The following ADAT2 variants were observed in gnomAD, a reference collection of about 807,000 sequenced individuals.
ADAT2 encodes tRNA-specific adenosine-34 deaminase catalytic subunit ADAT2.
Under a neutral mutation model 25.9 loss-of-function variants are expected in ADAT2, and 26 were observed. The ratio of observed to expected loss-of-function variants is 1.00; its 90% confidence interval spans 0.74 to 1.39. The LOEUF is 1.39. Among genes scored for constraint, ADAT2 ranks in the 40% most tolerant of loss-of-function variants. The probability of loss-of-function intolerance (pLI) is 0.00; values close to 1 mark genes in which losing one functional copy is unlikely to be tolerated. For missense variants in ADAT2, 220 were observed against 244.8 expected, an observed-to-expected ratio of 0.90 and a Z score of 0.68; for synonymous variants, 76 against 86.8, an observed-to-expected ratio of 0.88 and a Z score of 0.69.
rs952345432 is a variant in ADAT2 at position 143,436,285 on chromosome 6, C to T, written c.202-2304G>A. 5 of 222,526 alleles carry T rather than the reference C, an allele frequency of 2.2e-5. No homozygotes were observed. The highest frequency in any genetic ancestry group is 9.5e-6 in the Non-Finnish European group (1 of 105,352). The allele number at this position is 222,526 out of a possible 1,614,324, so 13.8% of individuals were successfully genotyped here. The stretch of plus-strand genomic sequence containing the variant: ...TAAGAACATGATGGCTGCCTATGAC[C>T]CCCAGTATGGCCTCTATCTAACAGA... On this transcript the variant is annotated intron_variant, in intron 2 of 5. Coordinates refer to ENST00000237283, the MANE Select transcript of ADAT2 (RefSeq NM_182503.3). The surrounding 1 kb of genome is among the most constrained non-coding windows in gnomAD (Gnocchi z 4.1).
rs1207395741 is a variant in ADAT2 at position 143,446,304 on chromosome 6, CAT to C, written c.96+4257_96+4258del. On this transcript the variant is annotated intron_variant, in intron 1 of 5. Transcript: ENST00000237283. This position sits in a 1 kb window ranked among gnomAD's most constrained non-coding sequence, Gnocchi z 5.0. ...TATATTGGGTAATATTTTTTCATCA[CAT>C]GATTTTGTAAAGGTTGTACAGTATT... Among the ~76,000 whole-genome samples, 1 of 152,060 alleles carries C rather than the reference CAT, an allele frequency of 6.6e-6. No individual in the cohort carries two copies. Among genetic ancestry groups the C allele is most frequent in the African/African-American group, 2.4e-5 (1 of 41,414 alleles).
rs1372780586 is a variant in ADAT2 at position 143,442,634 on chromosome 6, C to T, written c.97-3940G>A. On this transcript the variant is annotated intron_variant, in intron 1 of 5. Transcript: ENST00000237283. The surrounding 1 kb of genome is among the most constrained non-coding windows in gnomAD (Gnocchi z 4.6). Reference sequence around the variant, plus strand: ...ACTGAAGGACACTAGACACTTGGGTCCTCCCAGTATATTATTATTGTAATT... The same window carrying T: ...ACTGAAGGACACTAGACACTTGGGTTCTCCCAGTATATTATTATTGTAATT... Among the ~76,000 whole-genome samples, 1 of 152,038 alleles carries T rather than the reference C, an allele frequency of 6.6e-6. No homozygotes were observed. The highest frequency in any genetic ancestry group is 6.6e-5 in the Admixed American group (1 of 15,256).
chr6:143,448,078 T>C (rs542979146), intron 1 of ADAT2, among the ~76,000 whole-genome samples: 2 of 152,058 alleles, frequency 1.3e-5, no homozygotes, highest in South Asian at 4.1e-4. Flanking sequence ...TAAAAAAGGA[T>C]GAGTTCATCC....
chr6:143,443,520 G>C (rs1779519741), intron 1 of ADAT2, among the ~76,000 whole-genome samples: 1 of 152,028 alleles, frequency 6.6e-6, no homozygotes, highest in Admixed American at 6.6e-5. Context: ...AACACAGCAA[G>C]ACCCCATCTC....
At chr6:143,430,807 T>C (rs557161641) in intron 4 of ADAT2, among the ~76,000 whole-genome samples, 26 of 152,222 alleles carry the variant, frequency 1.7e-4, no homozygotes, top group African/African-American at 3.9e-4. Context: ...CCTCATGATC[T>C]GCCCGCCTTG....
In ADAT2 at chr6:143,432,012, C is replaced by CA. The variant is rs560867606; in HGVS notation, c.459+492dup. Among the ~76,000 whole-genome samples, 849 of 151,936 alleles carry CA rather than the reference C, an allele frequency of 5.6e-3. 4 individuals are homozygous for CA. The highest frequency in any genetic ancestry group is 0.018 in the African/African-American group (755 of 41,422). ...GAAATTTCAACATTAAAAAGACACA[C>CA]AAAAAAAGACATGAAAATACAGTGA... On this transcript the variant is annotated intron_variant, in intron 4 of 5. Coordinates refer to ENST00000237283, the MANE Select transcript of ADAT2 (RefSeq NM_182503.3). The surrounding 1 kb of genome is among the most constrained non-coding windows in gnomAD (Gnocchi z 4.4).
intron 1 of ADAT2, among the ~76,000 whole-genome samples, chr6:143,439,291 C>T (rs1329534718): frequency 1.5e-5 from 2 of 135,130 alleles, no homozygotes; most frequent in Admixed American, 8.2e-5. Flanking sequence ...AACACACACA[C>T]AGTCTATAAC....
rs1005705779 is a variant in ADAT2 at position 143,425,381 on chromosome 6, G to A, written c.*3082C>T. On this transcript the variant is annotated 3_prime_UTR_variant, in exon 6 of 6. Transcript: ENST00000237283. The stretch of plus-strand genomic sequence containing the variant: ...AAAAAAAAAAAAAAAAATTAGGTGT[G>A]GTGACATGAGTCTGTGGTCCCAGCT... 3.8e-5 allele frequency: 6 copies of A among 156,582 alleles called. No individual in the cohort carries two copies. Among genetic ancestry groups the A allele is most frequent in the African/African-American group, 1.5e-4 (6 of 41,042 alleles). 9.7% of individuals were successfully genotyped at this position (156,582 alleles called of 1,614,324 possible).
At chr6:143,447,111 CT>C (rs1779622458) in intron 1 of ADAT2, among the ~76,000 whole-genome samples, 1 of 152,154 alleles carries the variant, frequency 6.6e-6, no homozygotes, top group Non-Finnish European at 1.5e-5. Flanking sequence ...CCAACAGATC[CT>C]TTTGTAGTGA....
chr6:143,443,642 C>T (rs1308285223), intron 1 of ADAT2, among the ~76,000 whole-genome samples: 1 of 151,856 alleles, frequency 6.6e-6, no homozygotes, highest in African/African-American at 2.4e-5. Flanking sequence ...ACCAGCCTGG[C>T]CAATATTGTG....
At chr6:143,443,697 G>A (rs1196605559) in intron 1 of ADAT2, among the ~76,000 whole-genome samples, 2 of 152,026 alleles carry the variant, frequency 1.3e-5, no homozygotes, top group Non-Finnish European at 2.9e-5. Flanking sequence ...TGGGCATGGT[G>A]ATGGGTGCCT....
Position 143,450,547 on chromosome 6 carries a change from C to G in ADAT2, c.96+16G>C, listed in dbSNP as rs375648944. The G allele has an allele frequency of 7.1e-5, 115 of 1,613,758 alleles. No individual in the cohort carries two copies. Among genetic ancestry groups the G allele is most frequent in the Non-Finnish European group, 9.6e-5 (113 of 1,179,886 alleles). On this transcript the variant is annotated intron_variant, in intron 1 of 5. Transcript: ENST00000237283. ...AAAGGTCCCACCCCGCAGCATCTAC[C>G]TCCCGGGCTCCTCACCATGTGCATC...
At position 143,440,289 on chromosome 6, in the gene ADAT2, G is replaced by A. The variant is rs920138779; in HGVS notation, c.97-1595C>T. Among the ~76,000 whole-genome samples the A allele has an allele frequency of 1.3e-5, 2 of 152,138 alleles. No homozygotes were observed. Among genetic ancestry groups the A allele is most frequent in the Admixed American group, 6.5e-5 (1 of 15,272 alleles). On this transcript the variant is annotated intron_variant, in intron 1 of 5. Transcript: ENST00000237283. The surrounding 1 kb of genome is among the most constrained non-coding windows in gnomAD (Gnocchi z 4.5). ...GGGCATATAAAGTGCAAAGTTGAAG[G>A]CATTGTTAAAACAGTGTCTTCTGTC...
At chr6:143,431,275 G>T (rs1779109169) in intron 4 of ADAT2, among the ~76,000 whole-genome samples, 1 of 152,232 alleles carries the variant, frequency 6.6e-6, no homozygotes, top group Admixed American at 6.5e-5. Flanking sequence ...TGTGAGAAAG[G>T]ACTGTGTTTG....
rs376013895 is a variant in ADAT2, at chr6:143,447,919, T to C, written c.96+2644A>G. Among the ~76,000 whole-genome samples the C allele has an allele frequency of 2.0e-5, 3 of 152,186 alleles. No homozygotes were observed. The East Asian group carries it at 5.8e-4, about 29-fold the overall frequency. Reference sequence around the variant, plus strand: ...GAGCATATACCCAAAGGATTATAAATCATGCTGCTATAAAGACACATGCAC... The same window carrying C: ...GAGCATATACCCAAAGGATTATAAACCATGCTGCTATAAAGACACATGCAC... On this transcript the variant is annotated intron_variant, in intron 1 of 5. Coordinates refer to ENST00000237283, the MANE Select transcript of ADAT2 (RefSeq NM_182503.3).
chr6:143,438,394 TA>T (rs373866683), intron 2 of ADAT2, among the ~76,000 whole-genome samples, 195 bp downstream of exon 2: 6 of 151,628 alleles, frequency 4.0e-5, no homozygotes, highest in Non-Finnish European at 8.8e-5. Context: ...TTTTCCACAA[TA>T]AAAAAAATCA....
rs1008461331 is a variant in ADAT2, at chr6:143,424,304, G to C, written c.*4159C>G. The C allele has an allele frequency of 6.6e-6, 1 of 152,248 alleles. No individual in the cohort carries two copies. The highest frequency in any genetic ancestry group is 1.5e-5 in the Non-Finnish European group (1 of 68,044). The allele number at this position is 152,248 out of a possible 1,614,324, so 9.4% of individuals were successfully genotyped here. ...TGGTTTCCCTGGGGCTATAAGGCCA[G>C]TTCACGTAGGACCACTGGGAAAGAC... is the stretch of plus-strand genomic sequence containing the variant. On this transcript the variant is annotated 3_prime_UTR_variant, in exon 6 of 6. Transcript: ENST00000237283. This position sits in a 1 kb window ranked among gnomAD's most constrained non-coding sequence, Gnocchi z 4.8.
At chr6:143,435,581 G>A (rs1446549266) in intron 2 of ADAT2, among the ~76,000 whole-genome samples, 1 of 152,144 alleles carries the variant, frequency 6.6e-6, no homozygotes, top group Non-Finnish European at 1.5e-5. Context: ...CTCATCTTAA[G>A]ACATCATACA....
rs1779134986 is a variant in ADAT2, at chr6:143,432,181, G to A, written c.459+324C>T. Among the ~76,000 whole-genome samples, 2 of 152,180 alleles carry A rather than the reference G, an allele frequency of 1.3e-5. No homozygotes were observed. Among genetic ancestry groups the A allele is most frequent in the African/African-American group, 4.8e-5 (2 of 41,436 alleles). ...CTTGGTAGAGCATAGAGCTGGTAAC[G>A]TTCATTGAATAAAAACTCCAACAGC... On this transcript the variant is annotated intron_variant, in intron 4 of 5. Transcript: ENST00000237283. This position sits in a 1 kb window ranked among gnomAD's most constrained non-coding sequence, Gnocchi z 4.4.
Sources: allele counts gnomAD v4.1 joint callset (sites outside exome capture counted in the v4.1 genomes callset), GRCh38; gene constraint gnomAD v4.1.1; non-coding constraint Gnocchi (gnomAD v3.1); transcripts MANE v1.5; gene names NCBI Gene and HGNC (gene_info 2026-07-23, HGNC 2026-07-21).